SF3B1: variants seen among roughly 807,000 people sequenced by gnomAD.
SF3B1 encodes the protein splicing factor 3b subunit 1.
A neutral mutation model predicts 153.8 loss-of-function variants in SF3B1; 12 were observed. The ratio of observed to expected loss-of-function variants is 0.08; its 90% CI spans 0.05 to 0.13. SF3B1 has a LOEUF of 0.13. Ranked by LOEUF, SF3B1 falls within the 10% of genes least tolerant of loss-of-function variation. The probability of loss-of-function intolerance (pLI) is 1.00; values close to 1 mark genes in which losing one functional copy is unlikely to be tolerated. For missense variants in SF3B1, 513 were observed against 1,606.1 expected, an observed-to-expected ratio of 0.32 and a Z score of 11.63; for synonymous variants, 498 against 525.2, an observed-to-expected ratio of 0.95 and a Z score of 0.71.
At chr2:197,408,681 A>T (rs190292270) in intron 7 of SF3B1, 100 bp from the exon 8 acceptor site, 2 of 830,780 alleles carry the variant, frequency 2.4e-6, no homozygotes, top group East Asian at 5.2e-5. Flanking sequence ...AAGTTCTAAA[A>T]TAGAATATTC....
intron 6 of SF3B1, among the ~76,000 whole-genome samples, chr2:197,412,970 CAAAAAA>C (rs779446735): frequency 1.5e-4 from 7 of 45,514 alleles, no homozygotes; most frequent in Admixed American, 7.2e-4. Flanking sequence ...ACTGTTGTCT[CAAAAAA>C]AAAAAAAAAA....
rs571308548 is a variant in SF3B1 at position 197,411,448 on chromosome 2, C to T, written c.667-1441G>A. Among the ~76,000 whole-genome samples, 16 of 151,342 alleles carry T rather than the reference C, an allele frequency of 1.1e-4. No individual in the cohort carries two copies. In the South Asian group the frequency reaches 2.7e-3, roughly 26 times the overall value. On this transcript the variant is annotated intron_variant, in intron 6 of 24. Coordinates refer to ENST00000335508, the MANE Select transcript of SF3B1 (RefSeq NM_012433.4). ...CAGCACTTTGAGAGGCCGAGGCGGG[C>T]GGATCACAAGGTCAGGAGATAGAGA...
In SF3B1 at chr2:197,420,400, T is replaced by A. The variant is rs772815671; in HGVS notation, c.415+28A>T. On this transcript the variant is annotated intron_variant, in intron 4 of 24. Coordinates refer to ENST00000335508, the MANE Select transcript of SF3B1 (RefSeq NM_012433.4). ...AACTTAATACAAATAAATTTCTGAA[T>A]ACTTATAGAAAAGTGGGAAAGAATT... The A allele has an allele frequency of 1.4e-5, 21 of 1,512,272 alleles. No individual in the cohort carries two copies. The South Asian group carries it at 2.1e-4, about 15-fold the overall frequency. The allele number at this position is 1,512,272 out of a possible 1,614,324, so 93.7% of individuals were successfully genotyped here.
At chr2:197,404,120 T>G (rs528591392) in intron 11 of SF3B1, among the ~76,000 whole-genome samples, 1 of 152,296 alleles carries the variant, frequency 6.6e-6, no homozygotes, top group African/African-American at 2.4e-5. Flanking sequence ...TTTAAAGGCC[T>G]TAAGAACAAA....
chr2:197,424,154 T>C (rs1300528089), intron 1 of SF3B1, among the ~76,000 whole-genome samples, 180 bp from the exon 2 acceptor site: 3 of 152,218 alleles, frequency 2.0e-5, no homozygotes, highest in Non-Finnish European at 4.4e-5. Context: ...AATTAAACCA[T>C]GATAGGCTGG....
At chr2:197,397,277 T>C (rs532288244) in intron 22 of SF3B1, among the ~76,000 whole-genome samples, 207 of 152,228 alleles carry the variant, frequency 1.4e-3, no homozygotes, top group South Asian at 2.5e-3. Flanking sequence ...CTTGAACTCC[T>C]GGGCTCAAAC....
At chr2:197,423,232 C>A (rs560404309) in intron 2 of SF3B1, among the ~76,000 whole-genome samples, 1 of 151,696 alleles carries the variant, frequency 6.6e-6, no homozygotes, top group Admixed American at 6.6e-5. Flanking sequence ...ACTAAAAATA[C>A]AAAAATTAGC....
intron 1 of SF3B1, among the ~76,000 whole-genome samples, chr2:197,426,790 T>C (rs1053043497): frequency 6.6e-6 from 1 of 152,078 alleles, no homozygotes; most frequent in Non-Finnish European, 1.5e-5. Flanking sequence ...CCCTCCCATT[T>C]CCAACCCCAG....
rs917437845 is a variant in SF3B1 at position 197,389,896 on chromosome 2, A to G, written c.*2407T>C. 2.6e-5 allele frequency: 4 copies of G among 152,240 alleles called. No homozygotes were observed. Among genetic ancestry groups the G allele is most frequent in the Admixed American group, 6.5e-5 (1 of 15,278 alleles). The allele number at this position is 152,240 out of a possible 1,614,324, so 9.4% of individuals were successfully genotyped here. ...AATCAAACAGCCAGAGATCAATTCC[A>G]TTAGAGGGCGATGGCCCACAGAAAA... On this transcript the variant is annotated 3_prime_UTR_variant, in exon 25 of 25. Transcript: ENST00000335508.
rs1374583029 is a variant in SF3B1 at position 197,401,734 on chromosome 2, A to G, written c.2370+8T>C. 8 of 1,605,506 alleles carry G rather than the reference A, an allele frequency of 5.0e-6. No homozygotes were observed. The East Asian group carries it at 6.7e-5, about 13-fold the overall frequency. On this transcript the variant is annotated splice_region_variant and intron_variant, in intron 16 of 24. Transcript: ENST00000335508. This position sits in a 1 kb window ranked among gnomAD's most constrained non-coding sequence, Gnocchi z 4.2. ...TCCAGTTTACATTAACAAATCTGGAATAATTACCTTCAGCACAATTTTTTT... is the reference window on the plus strand; with the variant it reads ...TCCAGTTTACATTAACAAATCTGGAGTAATTACCTTCAGCACAATTTTTTT...
chr2:197,402,075 G>A lies in SF3B1; in HGVS notation c.2133C>T (p.Ala711=), dbSNP rs2105985357. 6.2e-7 allele frequency: 1 copy of A among 1,613,296 alleles called. No homozygotes were observed. Among genetic ancestry groups the A allele is most frequent in the Non-Finnish European group, 8.5e-7 (1 of 1,179,522 alleles). The part of the protein sequence containing the change: ...VRTISALAIA[A]LAEAATPYGI... ...CATAAGGAGTTGCTGCTTCAGCCAA[G>A]GCAGCAATGGCCAAAGCACTGATGG... is the stretch of plus-strand genomic sequence containing the variant. The change falls in exon 15 of 25, where the codon GCC becomes GCT. Residue 711 remains alanine (A), a synonymous_variant. Transcript: ENST00000335508. The surrounding 1 kb of genome is among the most constrained non-coding windows in gnomAD (Gnocchi z 4.6).
rs117513606 is a variant in SF3B1 at position 197,411,512 on chromosome 2, T to C, written c.667-1505A>G. On this transcript the variant is annotated intron_variant, in intron 6 of 24. Transcript: ENST00000335508. ...CATGGTGAAACCCCGTCTCTACTAATACAAAAAAAATCAGCCAGGCGTTGT... is the reference window on the plus strand; with the variant it reads ...CATGGTGAAACCCCGTCTCTACTAACACAAAAAAAATCAGCCAGGCGTTGT... Among the ~76,000 whole-genome samples the C allele has an allele frequency of 3.7e-3, 563 of 150,660 alleles. 40 individuals carry two copies. The East Asian group carries it at 0.11, about 28-fold the overall frequency.
Position 197,400,595 on chromosome 2 carries a change from CT to C in SF3B1, c.2718+119del. On this transcript the variant is annotated intron_variant, in intron 18 of 24. Transcript: ENST00000335508. The surrounding 1 kb of genome is among the most constrained non-coding windows in gnomAD (Gnocchi z 5.0). The stretch of plus-strand genomic sequence containing the variant: ...TAGAATAATATCGTTTGGTAACCCC[CT>C]GAGCATTTTAAAAATTACTTCAAAT... The C allele has an allele frequency of 3.9e-6, 4 of 1,018,946 alleles. No individual in the cohort carries two copies. The South Asian group carries it at 4.9e-5, about 13-fold the overall frequency. 63.1% of individuals were successfully genotyped at this position (1,018,946 alleles called of 1,614,324 possible). A position where few individuals can be genotyped will look rare whatever the true frequency, so the allele number is the denominator to read the frequency against.
intron 6 of SF3B1, among the ~76,000 whole-genome samples, chr2:197,412,798 A>G (rs1053317729): frequency 2.7e-5 from 4 of 150,826 alleles, no homozygotes; most frequent in Non-Finnish European, 5.9e-5. Context: ...CAGCCTGGCC[A>G]ACACTGCGAA....
chr2:197,431,510 T>A (rs2085436732), intron 1 of SF3B1, among the ~76,000 whole-genome samples: 1 of 152,224 alleles, frequency 6.6e-6, no homozygotes, highest in Non-Finnish European at 1.5e-5. Context: ...TCGTCTGAAT[T>A]ATTTTCAGTG....
In SF3B1 at chr2:197,413,630, C is replaced by T. The variant is rs137937621; in HGVS notation, c.666+3111G>A. ...TAAATTAAATCTATAGCAGTCTAGG[C>T]TAGAGCTAATAGTGATTTAGACTAG... On this transcript the variant is annotated intron_variant, in intron 6 of 24. Transcript: ENST00000335508. 5.6e-3 allele frequency among the ~76,000 whole-genome samples: 845 copies of T among 152,098 alleles called. 7 individuals carry two copies. Among genetic ancestry groups the T allele is most frequent in the Middle Eastern group, 0.041 (12 of 294 alleles).
In SF3B1 at chr2:197,393,200, G is replaced by A. The variant is rs2084832328; in HGVS notation, c.3540-12C>T. 2 of 1,590,014 alleles carry A rather than the reference G, an allele frequency of 1.3e-6. No homozygotes were observed. The highest frequency in any genetic ancestry group is 2.7e-5 in the African/African-American group (2 of 74,366). On this transcript the variant is annotated splice_polypyrimidine_tract_variant and intron_variant, in intron 23 of 24. Coordinates refer to ENST00000335508, the MANE Select transcript of SF3B1 (RefSeq NM_012433.4). Reference sequence around the variant, plus strand: ...TGTGTACAAGGTCTCTACAACGGAAGGGAAAAAAGTCCTTTAAGATGCGGT... The same window carrying A: ...TGTGTACAAGGTCTCTACAACGGAAAGGAAAAAAGTCCTTTAAGATGCGGT...
chr2:197,408,335 A>G (rs1490841668), intron 8 of SF3B1, 34 bp downstream of exon 8: 6 of 1,590,678 alleles, frequency 3.8e-6, no homozygotes, highest in Non-Finnish European at 3.4e-6. Flanking sequence ...ATTTATGGAG[A>G]AAAAAACAAT....
rs1360887373 is a variant in SF3B1 at position 197,410,267 on chromosome 2, T to C, written c.667-260A>G. 2.6e-5 allele frequency among the ~76,000 whole-genome samples: 4 copies of C among 152,246 alleles called. No homozygotes were observed. The East Asian group carries it at 5.8e-4, about 22-fold the overall frequency. ...AAAAACAAAATATTATCGATATGAA[T>C]CTTTGATATGCCATTAATAGCTCTG... On this transcript the variant is annotated intron_variant, in intron 6 of 24. Coordinates refer to ENST00000335508, the MANE Select transcript of SF3B1 (RefSeq NM_012433.4).
Sources: allele counts gnomAD v4.1 joint callset (sites outside exome capture counted in the v4.1 genomes callset), GRCh38; gene constraint gnomAD v4.1.1; non-coding constraint Gnocchi (gnomAD v3.1); transcripts MANE v1.5; gene names NCBI Gene and HGNC (gene_info 2026-07-23, HGNC 2026-07-21).